Variants in PUDP observed in about 807,000 individuals in gnomAD.
PUDP encodes pseudouridine 5'-phosphatase.
Under a neutral mutation model 9.4 loss-of-function variants are expected in PUDP, and 8 were observed. That is an observed-to-expected ratio of 0.85 (90% CI 0.50 to 1.53). The LOEUF is 1.53. Among genes scored for constraint, PUDP ranks in the 40% most tolerant of loss-of-function variants. The probability of loss-of-function intolerance (pLI) is 0.00; values close to 1 mark genes in which losing one functional copy is unlikely to be tolerated. For synonymous variants in PUDP, 99 were observed against 80.7 expected (o/e 1.23, Z -1.22); for missense variants, 188 against 189.7 (o/e 0.99, Z 0.05).
At chrX:6,906,909 T>G (rs1400369668) in intron 3 of PUDP, among the ~76,000 whole-genome samples, 1 of 111,597 alleles carries the variant, frequency 9.0e-6, no homozygotes, top group Non-Finnish European at 1.9e-5. Flanking sequence ...TGGCTTCCCC[T>G]GAGGCACTAG....
intron 3 of PUDP, among the ~76,000 whole-genome samples, chrX:6,766,183 T>C (rs1307512380): frequency 9.0e-6 from 1 of 111,600 alleles, no homozygotes; most frequent in African/African-American, 3.3e-5. Flanking sequence ...CGTTCTCCAA[T>C]GAAGAAAATC....
intron 3 of PUDP, among the ~76,000 whole-genome samples, chrX:6,848,811 G>T (rs775604321): frequency 8.9e-6 from 1 of 111,985 alleles, no homozygotes; most frequent in Non-Finnish European, 1.9e-5. Flanking sequence ...TGATATGCCA[G>T]CTTCCTGAGG....
At chrX:6,956,608 C>A (rs1301147321) in intron 3 of PUDP, among the ~76,000 whole-genome samples, 1 of 111,525 alleles carries the variant, frequency 9.0e-6, no homozygotes, top group Non-Finnish European at 1.9e-5. Context: ...TCTGTCTCTG[C>A]AACTGTAAAG....
chrX:7,065,178 A>G (rs1930515270), intron 3 of PUDP, among the ~76,000 whole-genome samples: 1 of 111,541 alleles, frequency 9.0e-6, no homozygotes, highest in Admixed American at 9.5e-5. Context: ...AAAACAAAAA[A>G]CAAAAAACAA....
At chrX:7,119,635 T>G (rs1305998213) in intron 1 of PUDP, among the ~76,000 whole-genome samples, 1 of 112,521 alleles carries the variant, frequency 8.9e-6, no homozygotes, top group Non-Finnish European at 1.9e-5. Context: ...GATAATTGAG[T>G]GATCATCTGC....
In PUDP at chrX:6,919,807, C is replaced by A. The variant is rs759806434; in HGVS notation, c.*247+57326G>T. Among the ~76,000 whole-genome samples, 12 of 84,684 alleles carry A rather than the reference C, an allele frequency of 1.4e-4. No individual in the cohort carries two copies. The South Asian group carries it at 2.9e-3, about 21-fold the overall frequency. The allele number at this position is 84,684 out of a possible 115,157, so 73.5% of individuals were successfully genotyped here. The stretch of plus-strand genomic sequence containing the variant: ...CCAGGAGGCAGAGGTTGCAGTGAGC[C>A]AAGATTGAGCCATTGCACTCCAGCC... On this transcript the variant is annotated intron_variant and NMD_transcript_variant, in intron 3 of 3. Transcript: ENST00000655425.
At chrX:7,047,778 G>C (rs1163523870), downstream of PUDP, among the ~76,000 whole-genome samples, 1 of 112,738 alleles carries the variant, frequency 8.9e-6, no homozygotes, top group Admixed American at 9.4e-5. Flanking sequence ...GTACAGTGCA[G>C]ACTACAGAAC....
chrX:7,124,233 C>T (rs1932419932), intron 1 of PUDP, among the ~76,000 whole-genome samples: 1 of 111,902 alleles, frequency 8.9e-6, no homozygotes, highest in Non-Finnish European at 1.9e-5. Context: ...CTGAAGAAAA[C>T]TTGGGAAATT....
intron 3 of PUDP, among the ~76,000 whole-genome samples, chrX:7,062,297 C>G (rs768069040): frequency 9.0e-6 from 1 of 111,603 alleles, no homozygotes; most frequent in Admixed American, 9.5e-5. Context: ...CTGTGGGGAG[C>G]CCTGTTTGAG....
chrX:6,767,558 G>A (rs1025989249), intron 3 of PUDP, among the ~76,000 whole-genome samples: 4 of 112,428 alleles, frequency 3.6e-5, no homozygotes, highest in Admixed American at 9.4e-5. Flanking sequence ...TTCATAGCAG[G>A]TATCCTTTGC....
intron 3 of PUDP, among the ~76,000 whole-genome samples, chrX:6,972,138 A>G (rs1928886797): frequency 8.9e-6 from 1 of 112,216 alleles, no homozygotes. Flanking sequence ...TTTTCTAAAT[A>G]TACAATCATG....
intron 3 of PUDP, among the ~76,000 whole-genome samples, chrX:6,815,820 A>C (rs1926220769): frequency 9.1e-6 from 1 of 109,910 alleles, no homozygotes; most frequent in Non-Finnish European, 1.9e-5. Flanking sequence ...TACTGTTTTA[A>C]ATCAACTATA....
intron 1 of PUDP, among the ~76,000 whole-genome samples, chrX:7,132,699 G>A (rs1488630566): frequency 1.8e-5 from 2 of 111,892 alleles, no homozygotes; most frequent in Non-Finnish European, 3.8e-5. Flanking sequence ...AAGTACTTAA[G>A]GGCCAGTTTA....
At chrX:7,074,583 G>T (rs181653747) in intron 3 of PUDP, among the ~76,000 whole-genome samples, 75 of 112,256 alleles carry the variant, frequency 6.7e-4, no homozygotes, top group African/African-American at 2.3e-3. Context: ...AACATACTCT[G>T]ATCGCTTCTG....
intron 3 of PUDP, among the ~76,000 whole-genome samples, chrX:6,828,456 C>T (rs1354280685): frequency 1.8e-5 from 2 of 111,304 alleles, no homozygotes; most frequent in African/African-American, 6.5e-5. Context: ...TTCTCACCTA[C>T]CCCCAGCACC....
chrX:6,916,114 G>A (rs762767566), intron 3 of PUDP, among the ~76,000 whole-genome samples: 51 of 107,410 alleles, frequency 4.7e-4, no homozygotes, highest in African/African-American at 1.6e-3. Context: ...AGGCTTCCCC[G>A]CACACATACA....
chrX:6,973,503 T>C (rs182431599), intron 3 of PUDP, among the ~76,000 whole-genome samples: 120 of 112,390 alleles, frequency 1.1e-3, no homozygotes, highest in African/African-American at 2.9e-3. Context: ...TTAGTTTCCA[T>C]GTAGTTGTGC....
chrX:6,729,645 A>T (rs1055500321), intron 3 of PUDP, among the ~76,000 whole-genome samples: 4 of 111,826 alleles, frequency 3.6e-5, no homozygotes, highest in Admixed American at 2.8e-4. Context: ...TTTAATTCAT[A>T]GTACCTCCCC....
At chrX:6,909,370 T>C (rs1268673184) in intron 3 of PUDP, among the ~76,000 whole-genome samples, 3 of 112,026 alleles carry the variant, frequency 2.7e-5, no homozygotes, top group African/African-American at 6.5e-5. Context: ...TATGGCATCT[T>C]CAGTTCTTCA....
Sources: allele counts gnomAD v4.1 joint callset (sites outside exome capture counted in the v4.1 genomes callset), GRCh38; gene constraint gnomAD v4.1.1; transcripts MANE v1.5; gene names NCBI Gene and HGNC (gene_info 2026-07-23, HGNC 2026-07-21).